BMPR1A: variants seen among roughly 807,000 people sequenced by gnomAD.
The protein encoded by BMPR1A is bone morphogenetic protein receptor type 1A, also known as bone morphogenetic protein receptor type-1A.
A neutral mutation model predicts 66.0 loss-of-function variants in BMPR1A; 7 were observed. That is an observed-to-expected ratio of 0.11 (90% CI 0.06 to 0.20). The LOEUF (loss-of-function observed/expected upper bound fraction) is 0.20. BMPR1A is among the 10% of genes least tolerant of loss of function. BMPR1A has a pLI of 1.00. For synonymous variants in BMPR1A, 200 were observed against 229.7 expected (o/e 0.87, Z 1.17); for missense variants, 408 against 669.1 (o/e 0.61, Z 4.31).
At chr10:86,797,882 A>G (rs1253076657) in intron 1 of BMPR1A, among the ~76,000 whole-genome samples, 2 of 152,144 alleles carry the variant, frequency 1.3e-5, no homozygotes, top group African/African-American at 4.8e-5. Flanking sequence ...TTGCTGTAGG[A>G]TATTGTCATT....
intron 1 of BMPR1A, among the ~76,000 whole-genome samples, chr10:86,828,785 TA>T (rs10711218): frequency 0.16 from 21,667 of 137,596 alleles, 2,205 homozygotes; most frequent in African/African-American, 0.28. Context: ...AAGCTCTGTA[TA>T]AAAAAAAAAT....
downstream of BMPR1A, chr10:86,931,298 C>CACACACACACACATATATATATATATAT: frequency 1.2e-3 from 112 of 90,858 alleles, 1 homozygote; most frequent in African/African-American, 6.4e-3. Flanking sequence ...CACACACACA[C>CACACACACACACATATATATATATATAT]ATATATATAT....
chr10:86,759,203 CT>C (rs1840985889), intron 1 of BMPR1A, among the ~76,000 whole-genome samples: 2 of 152,132 alleles, frequency 1.3e-5, no homozygotes, highest in African/African-American at 4.8e-5. Context: ...GAAGAGGGGC[CT>C]TTTGTGACAT....
chr10:86,883,368 G>A (rs987546196), intron 3 of BMPR1A, among the ~76,000 whole-genome samples: 3 of 151,866 alleles, frequency 2.0e-5, no homozygotes, highest in Admixed American at 6.6e-5. Context: ...GGCTAACACG[G>A]TGAAACCCCG....
intron 1 of BMPR1A, among the ~76,000 whole-genome samples, chr10:86,802,566 A>T (rs1040693891): frequency 6.6e-6 from 1 of 151,992 alleles, no homozygotes; most frequent in Non-Finnish European, 1.5e-5. Flanking sequence ...TTTGCTTATA[A>T]CCTAGGTCAT....
At chr10:86,932,115 G>A (rs1365419539), downstream of BMPR1A, 2 of 152,232 alleles carry the variant, frequency 1.3e-5, no homozygotes, top group African/African-American at 4.8e-5. Context: ...TTCTGTGTGT[G>A]TGTGTACAGG....
At chr10:86,843,250 G>C (rs1842447718) in intron 2 of BMPR1A, among the ~76,000 whole-genome samples, 1 of 151,740 alleles carries the variant, frequency 6.6e-6, no homozygotes, top group Non-Finnish European at 1.5e-5. Context: ...GCATATTTTT[G>C]GCCCTTTCTC....
intron 2 of BMPR1A, among the ~76,000 whole-genome samples, chr10:86,870,449 G>T (rs949160960): frequency 1.3e-5 from 2 of 152,088 alleles, no homozygotes; most frequent in Non-Finnish European, 2.9e-5. Flanking sequence ...TTGAGACAAG[G>T]TCTCGCTCTG....
At chr10:86,917,422 A>G (rs973023263) in intron 9 of BMPR1A, 96 bp downstream of exon 9, 2 of 1,435,564 alleles carry the variant, frequency 1.4e-6, no homozygotes, top group African/African-American at 1.4e-5. Context: ...TGTGAGTTCA[A>G]CTATATACAT....
chr10:86,906,088 G>C (rs942449431), intron 7 of BMPR1A, among the ~76,000 whole-genome samples: 1 of 152,028 alleles, frequency 6.6e-6, no homozygotes, highest in African/African-American at 2.4e-5. Context: ...CTCAGCTTTT[G>C]TCTGCAGTCT....
chr10:86,819,603 C>T (rs7095025), intron 1 of BMPR1A, among the ~76,000 whole-genome samples: 33,398 of 152,188 alleles, frequency 0.22, 4,793 homozygotes, highest in East Asian at 0.64. Flanking sequence ...CCGGCCACAA[C>T]TTGAATTTTC....
chr10:86,860,632 T>C (rs1842700712), intron 2 of BMPR1A, among the ~76,000 whole-genome samples: 1 of 151,566 alleles, frequency 6.6e-6, no homozygotes, highest in South Asian at 2.1e-4. Context: ...TGGCCAAGTG[T>C]GGTGGCATGT....
intron 1 of BMPR1A, among the ~76,000 whole-genome samples, chr10:86,833,336 T>C (rs1424088122): frequency 6.6e-6 from 1 of 152,156 alleles, no homozygotes; most frequent in Non-Finnish European, 1.5e-5. Flanking sequence ...AGCATAGTTA[T>C]ATTTTAGAGA....
intron 1 of BMPR1A, among the ~76,000 whole-genome samples, chr10:86,824,099 G>GTA (rs1842159018): frequency 6.6e-6 from 1 of 151,252 alleles, no homozygotes; most frequent in Non-Finnish European, 1.5e-5. Flanking sequence ...GTGTGTGTGT[G>GTA]TGTGTGTGTG....
In BMPR1A at chr10:86,924,090, C is replaced by T. The variant is rs550209042; in HGVS notation, c.*371C>T. 15 of 387,968 alleles carry T rather than the reference C, an allele frequency of 3.9e-5. No individual in the cohort carries two copies. Among genetic ancestry groups the T allele is most frequent in the South Asian group, 1.2e-4 (4 of 32,622 alleles). The allele number at this position is 387,968 out of a possible 1,614,324, so 24.0% of individuals were successfully genotyped here. ...TGAAAGCCTTAAGAAGATAAATGAG[C>T]GCAGCAGAGATGGAGAAATAGACTT... On this transcript the variant is annotated 3_prime_UTR_variant, in exon 13 of 13. Transcript: ENST00000372037.
chr10:86,805,460 C>A (rs1434773760), intron 1 of BMPR1A, among the ~76,000 whole-genome samples: 1 of 113,774 alleles, frequency 8.8e-6, no homozygotes, highest in Admixed American at 9.2e-5. Context: ...ATTTCAGTTT[C>A]CTTTTTTTTT....
intron 7 of BMPR1A, among the ~76,000 whole-genome samples, chr10:86,907,239 T>C (rs1843408539): frequency 6.6e-6 from 1 of 152,240 alleles, no homozygotes. Flanking sequence ...ATAAGTTTAT[T>C]TGGATGTTGT....
intron 1 of BMPR1A, among the ~76,000 whole-genome samples, chr10:86,781,992 A>C (rs1004080898): frequency 1.7e-4 from 25 of 148,404 alleles, no homozygotes; most frequent in Non-Finnish European, 3.1e-4. Flanking sequence ...TCAGCCTCCT[A>C]AGTAGCTGGG....
intron 1 of BMPR1A, among the ~76,000 whole-genome samples, chr10:86,766,906 C>G (rs1178615168): frequency 6.6e-6 from 1 of 151,706 alleles, no homozygotes; most frequent in Non-Finnish European, 1.5e-5. Flanking sequence ...TCACTGCAGC[C>G]TCTGCCTCCC....
Sources: gnomAD v4.1 joint callset for allele counts (sites outside exome capture counted in the v4.1 genomes callset) on GRCh38, gnomAD v4.1.1 for gene constraint, MANE v1.5 for transcripts, NCBI Gene and HGNC (gene_info 2026-07-23, HGNC 2026-07-21) for gene names.